Variants in CTNND2 observed in about 807,000 individuals in gnomAD.
The protein encoded by CTNND2 is catenin delta-2.
Under a neutral mutation model 144.4 loss-of-function variants are expected in CTNND2, and 22 were observed. The observed-to-expected ratio is 0.15, with a 90% CI of 0.11 to 0.22. The LOEUF is 0.22. Among genes scored for constraint, CTNND2 ranks in the 10% least tolerant of loss-of-function variants. CTNND2 has a pLI of 1.00. For synonymous variants in CTNND2, 751 were observed against 695.6 expected, an observed-to-expected ratio of 1.08 and a Z score of -1.25; for missense variants, 1,353 against 1,618.8, an observed-to-expected ratio of 0.84 and a Z score of 2.82.
At chr5:11,041,450 C>T (rs1459745529) in intron 16 of CTNND2, among the ~76,000 whole-genome samples, 1 of 152,162 alleles carries the variant, frequency 6.6e-6, no homozygotes, top group African/African-American at 2.4e-5. Context: ...CCATAAGTCT[C>T]TTAGGCAGAA....
intron 21 of CTNND2, among the ~76,000 whole-genome samples, chr5:10,975,410 A>G (rs371464304): frequency 1.3e-5 from 2 of 152,236 alleles, no homozygotes; most frequent in Non-Finnish European, 2.9e-5. Context: ...GTGTCTGTCT[A>G]CATCAATATC....
At chr5:11,021,544 C>A (rs61751667) in intron 17 of CTNND2, among the ~76,000 whole-genome samples, 1 of 152,140 alleles carries the variant, frequency 6.6e-6, no homozygotes, top group Non-Finnish European at 1.5e-5. Context: ...TAGCTCAAGC[C>A]AACAGTCTCC....
chr5:11,568,973 C>T (rs941417853), intron 2 of CTNND2, among the ~76,000 whole-genome samples: 1 of 152,140 alleles, frequency 6.6e-6, no homozygotes, highest in Non-Finnish European at 1.5e-5. Context: ...AAAAGTGAGA[C>T]TGTCAAGAAA....
chr5:11,476,250 C>T (rs1767734533), intron 3 of CTNND2, among the ~76,000 whole-genome samples: 1 of 152,076 alleles, frequency 6.6e-6, no homozygotes, highest in African/African-American at 2.4e-5. Context: ...CTTTTCAGAA[C>T]CTCCGAGTGT....
At chr5:11,160,711 A>G (rs61753300) in intron 11 of CTNND2, among the ~76,000 whole-genome samples, 2,107 of 152,296 alleles carry the variant, frequency 0.014, 45 homozygotes, top group African/African-American at 0.047. Context: ...ATAAAACACT[A>G]TAGTTGTCTT....
At chr5:11,351,297 A>C (rs1044408014) in intron 8 of CTNND2, among the ~76,000 whole-genome samples, 3 of 151,952 alleles carry the variant, frequency 2.0e-5, no homozygotes, top group African/African-American at 7.2e-5. Flanking sequence ...CTGTAAACAC[A>C]CTCCTCTCTC....
intron 9 of CTNND2, among the ~76,000 whole-genome samples, chr5:11,343,481 C>T (rs1012874569): frequency 6.6e-6 from 1 of 152,124 alleles, no homozygotes; most frequent in African/African-American, 2.4e-5. Flanking sequence ...TCATTCTTCC[C>T]AACTCCTACA....
At chr5:11,594,610 A>G (rs1439234948) in intron 2 of CTNND2, among the ~76,000 whole-genome samples, 1 of 152,210 alleles carries the variant, frequency 6.6e-6, no homozygotes, top group Non-Finnish European at 1.5e-5. Flanking sequence ...TTGCTGTGGT[A>G]TCATTAACTT....
At chr5:11,004,148 G>C (rs1215370366) in intron 18 of CTNND2, among the ~76,000 whole-genome samples, 1 of 152,124 alleles carries the variant, frequency 6.6e-6, no homozygotes, top group African/African-American at 2.4e-5. Flanking sequence ...ACAAAGAAAC[G>C]AAAACACCTG....
intron 1 of CTNND2, among the ~76,000 whole-genome samples, chr5:11,864,987 C>A (rs960447835): frequency 2.9e-5 from 4 of 138,636 alleles, no homozygotes; most frequent in African/African-American, 1.1e-4. Flanking sequence ...CTCTGCCTCC[C>A]GGGTTCAGGC....
chr5:11,225,649 T>G (rs1475878867), intron 10 of CTNND2, among the ~76,000 whole-genome samples: 1 of 152,198 alleles, frequency 6.6e-6, no homozygotes, highest in African/African-American at 2.4e-5. Context: ...AATAAGGCAC[T>G]GGCCTACGTG....
At chr5:11,283,913 G>A (rs567381417) in intron 9 of CTNND2, among the ~76,000 whole-genome samples, 1 of 152,152 alleles carries the variant, frequency 6.6e-6, no homozygotes, top group African/African-American at 2.4e-5. Flanking sequence ...TTGTGGTTCT[G>A]TTCACGTCGT....
chr5:11,291,491 A>G (rs16901447), intron 9 of CTNND2, among the ~76,000 whole-genome samples: 7,661 of 151,854 alleles, frequency 0.05, 350 homozygotes, highest in African/African-American at 0.12. Flanking sequence ...TTCCTTACAC[A>G]ATTATTCTCA....
At chr5:11,245,761 G>A (rs1401462222) in intron 9 of CTNND2, among the ~76,000 whole-genome samples, 1 of 152,186 alleles carries the variant, frequency 6.6e-6, no homozygotes, top group African/African-American at 2.4e-5. Flanking sequence ...AAGCCCATCT[G>A]ACCCCAGGAC....
intron 1 of CTNND2, among the ~76,000 whole-genome samples, chr5:11,792,168 C>G (rs1370803632): frequency 6.6e-6 from 1 of 152,020 alleles, no homozygotes; most frequent in Non-Finnish European, 1.5e-5. Flanking sequence ...TGAGAGAATG[C>G]CTGCCAAACC....
intron 10 of CTNND2, among the ~76,000 whole-genome samples, chr5:11,224,108 G>T (rs1740077225): frequency 6.6e-6 from 1 of 152,004 alleles, no homozygotes; most frequent in Non-Finnish European, 1.5e-5. Flanking sequence ...CCTCCAAGTT[G>T]ATCTATACCT....
chr5:11,764,406 C>T (rs1581844329), intron 1 of CTNND2, among the ~76,000 whole-genome samples: 1 of 152,080 alleles, frequency 6.6e-6, no homozygotes, highest in African/African-American at 2.4e-5. Flanking sequence ...TTTCCTGGCC[C>T]ATTGTGGGCA....
chr5:11,723,530 G>C (rs1171946799), intron 2 of CTNND2, among the ~76,000 whole-genome samples: 1 of 152,096 alleles, frequency 6.6e-6, no homozygotes, highest in Non-Finnish European at 1.5e-5. Flanking sequence ...TGAGACCCCT[G>C]CACCATAAAA....
intron 9 of CTNND2, among the ~76,000 whole-genome samples, chr5:11,303,711 C>T (rs372707272): frequency 3.3e-5 from 5 of 152,302 alleles, no homozygotes; most frequent in African/African-American, 1.2e-4. Context: ...GGGAAACCAA[C>T]CCAGCTGTTT....
Sources: allele counts gnomAD v4.1 joint callset (sites outside exome capture counted in the v4.1 genomes callset), GRCh38; gene constraint gnomAD v4.1.1; transcripts MANE v1.5; gene names NCBI Gene and HGNC (gene_info 2026-07-23, HGNC 2026-07-21).